The following PTPRT variants were observed in gnomAD, a reference collection of about 807,000 sequenced individuals.
PTPRT encodes the protein receptor-type tyrosine-protein phosphatase T.
PTPRT carries 56 observed loss-of-function variants against 176.8 expected under a neutral mutation model. The observed-to-expected ratio is 0.32, with a 90% CI of 0.26 to 0.40. The LOEUF is 0.40. Among genes scored for constraint, PTPRT ranks in the 10% least tolerant of loss-of-function variants. The pLI is 1.00. For missense variants in PTPRT, 1,540 were observed against 1,908.2 expected (o/e 0.81, Z 3.60); for synonymous variants, 783 against 739.0 (o/e 1.06, Z -0.96).
chr20:43,038,746 A>T (rs1421874944), intron 1 of PTPRT, among the ~76,000 whole-genome samples: 1 of 152,224 alleles, frequency 6.6e-6, no homozygotes, highest in Non-Finnish European at 1.5e-5. Context: ...GATTTTTAGT[A>T]TAGGAGCCAG....
intron 3 of PTPRT, among the ~76,000 whole-genome samples, chr20:42,790,312 C>T (rs2077354853): frequency 6.6e-6 from 1 of 151,784 alleles, no homozygotes. Flanking sequence ...GGATTGGTGC[C>T]AATCTGTGCG....
At chr20:42,782,573 C>T (rs1600731874) in intron 3 of PTPRT, among the ~76,000 whole-genome samples, 3 of 152,342 alleles carry the variant, frequency 2.0e-5, no homozygotes, top group African/African-American at 2.4e-5. Context: ...TGGGCCTCAA[C>T]TTCTGCCTCA....
chr20:42,700,441 G>A (rs1600632218), intron 6 of PTPRT, among the ~76,000 whole-genome samples: 1 of 152,112 alleles, frequency 6.6e-6, no homozygotes, highest in Non-Finnish European at 1.5e-5. Flanking sequence ...CGACTACACC[G>A]CGGATATTTT....
Position 43,095,001 on chromosome 20 carries a change from C to T in PTPRT, c.88+94645G>A, listed in dbSNP as rs183982910. On this transcript the variant is annotated intron_variant, in intron 1 of 30. Transcript: ENST00000373187. ...TGTTCAGGGGGAAAGGCATGAGCAG[C>T]GAGGGAAACAGAGGTGTGCAAAGGC... Among the ~76,000 whole-genome samples, 5 of 152,150 alleles carry T rather than the reference C, an allele frequency of 3.3e-5. No homozygotes were observed. In the East Asian group the frequency reaches 9.7e-4, roughly 29 times the overall value.
intron 14 of PTPRT, 48 bp from the exon 15 acceptor site, chr20:42,236,306 A>G (rs773470005): frequency 3.1e-5 from 44 of 1,425,176 alleles, no homozygotes; most frequent in Non-Finnish European, 4.2e-5. Context: ...AAAATGGGGG[A>G]AAAAGAAAAG....
chr20:42,184,541 C>CTCCTCTTCTTCTTCTTCTTCTTCTTCT (rs1990661146), intron 16 of PTPRT, among the ~76,000 whole-genome samples: 3 of 91,546 alleles, frequency 3.3e-5, no homozygotes, highest in Non-Finnish European at 6.2e-5. Flanking sequence ...CTTCCTCTTC[C>CTCCTCTTCTTCTTCTTCTTCTTCTTCT]TCTTCTTCTT....
At chr20:43,006,306 T>C (rs1984851683) in intron 1 of PTPRT, among the ~76,000 whole-genome samples, 1 of 152,232 alleles carries the variant, frequency 6.6e-6, no homozygotes, top group African/African-American at 2.4e-5. Context: ...TTCTAATATA[T>C]TTTAAATTGT....
intron 13 of PTPRT, among the ~76,000 whole-genome samples, chr20:42,264,160 G>T (rs1336766139): frequency 6.6e-6 from 1 of 152,120 alleles, no homozygotes; most frequent in Non-Finnish European, 1.5e-5. Context: ...AATATCCCAG[G>T]AGAGAAAAAG....
chr20:42,866,363 G>A (rs1260431806), intron 2 of PTPRT, among the ~76,000 whole-genome samples: 1 of 152,138 alleles, frequency 6.6e-6, no homozygotes, highest in Non-Finnish European at 1.5e-5. Flanking sequence ...TCAAAGAATA[G>A]GCACCTGACT....
chr20:43,124,783 T>C (rs1306933433), intron 1 of PTPRT, among the ~76,000 whole-genome samples: 3 of 152,118 alleles, frequency 2.0e-5, no homozygotes, highest in African/African-American at 7.2e-5. Flanking sequence ...CCATAAACAA[T>C]ACATGACAGA....
intron 1 of PTPRT, among the ~76,000 whole-genome samples, chr20:43,015,295 C>T (rs1227616216): frequency 6.6e-6 from 1 of 152,216 alleles, no homozygotes; most frequent in African/African-American, 2.4e-5. Context: ...TCACCTTCCA[C>T]ATCTGCAAAA....
chr20:42,362,982 G>C (rs1387537639), intron 9 of PTPRT, among the ~76,000 whole-genome samples: 1 of 150,766 alleles, frequency 6.6e-6, no homozygotes, highest in Non-Finnish European at 1.5e-5. Context: ...GGCGGGCGCG[G>C]GTAATCCTAG....
At chr20:42,425,934 T>G (rs1453848379) in intron 9 of PTPRT, among the ~76,000 whole-genome samples, 4 of 152,140 alleles carry the variant, frequency 2.6e-5, no homozygotes, top group African/African-American at 9.7e-5. Flanking sequence ...ATAAGCAGTT[T>G]GGTGCTGCCA....
chr20:42,086,726 CAA>C lies in PTPRT; in HGVS notation c.3847-875_3847-874del, dbSNP rs367948746. 1.3e-4 allele frequency among the ~76,000 whole-genome samples: 11 copies of C among 82,098 alleles called. 1 individual carries two copies. The highest frequency in any genetic ancestry group is 2.4e-4 in the Non-Finnish European group (11 of 45,558). The allele number at this position is 82,098 out of a possible 152,430, so 53.9% of individuals were successfully genotyped here. On this transcript the variant is annotated intron_variant, in intron 27 of 30. Transcript: ENST00000373187. ...TGGGTGACACAGCGAGACTCCATCT[CAA>C]AAAAAAAAAAAAAAAAAAAAAAAAA...
At chr20:42,409,481 C>CAAAAAAAAAAAA (rs58932390) in intron 9 of PTPRT, among the ~76,000 whole-genome samples, 13 of 112,160 alleles carry the variant, frequency 1.2e-4, no homozygotes, top group East Asian at 3.0e-4. Context: ...GACTCTGTCG[C>CAAAAAAAAAAAA]AAAAAAAAAA....
chr20:42,361,828 A>G (rs2058435980), intron 9 of PTPRT, among the ~76,000 whole-genome samples: 1 of 152,222 alleles, frequency 6.6e-6, no homozygotes, highest in African/African-American at 2.4e-5. Flanking sequence ...CCCACAGAAT[A>G]TGTAAGCATA....
chr20:42,101,800 A>T (rs1019097700), intron 26 of PTPRT, among the ~76,000 whole-genome samples: 1 of 152,108 alleles, frequency 6.6e-6, no homozygotes, highest in African/African-American at 2.4e-5. Context: ...GCTTTACTAA[A>T]CTTCAGGCTG....
chr20:42,195,842 A>T (rs1206038513), intron 16 of PTPRT, among the ~76,000 whole-genome samples: 1 of 152,170 alleles, frequency 6.6e-6, no homozygotes, highest in Admixed American at 6.5e-5. Flanking sequence ...ACACACCTTA[A>T]TCATTTGAAA....
At chr20:42,038,806 G>A in the PTPRT span, among the ~76,000 whole-genome samples, 622 of 152,240 alleles carry the variant, frequency 4.1e-3, 3 homozygotes, top group African/African-American at 0.014. Flanking sequence ...GGAGAATCTC[G>A]GGTTCCAGGA....
Sources: gnomAD v4.1 joint callset for allele counts (sites outside exome capture counted in the v4.1 genomes callset) on GRCh38, gnomAD v4.1.1 for gene constraint, MANE v1.5 for transcripts, NCBI Gene and HGNC (gene_info 2026-07-23, HGNC 2026-07-21) for gene names.